The following UGT8 variants were observed in gnomAD, a reference collection of about 807,000 sequenced individuals.
The protein encoded by UGT8 is UDP glycosyltransferase 8.
A neutral mutation model predicts 40.5 loss-of-function variants in UGT8; 12 were observed. That is an observed-to-expected ratio of 0.30 (90% CI 0.19 to 0.48). The LOEUF (loss-of-function observed/expected upper bound fraction) is 0.48. Among genes scored for constraint, UGT8 ranks in the 20% least tolerant of loss-of-function variants. The probability of loss-of-function intolerance (pLI) is 0.99; values close to 1 mark genes in which losing one functional copy is unlikely to be tolerated. For missense variants in UGT8, 513 were observed against 648.7 expected, an observed-to-expected ratio of 0.79 and a Z score of 2.27; for synonymous variants, 224 against 240.4, an observed-to-expected ratio of 0.93 and a Z score of 0.63.
In UGT8 at chr4:114,623,499, G is replaced by A; in HGVS notation, c.619G>A (p.Val207Ile). The change falls in exon 2 of 6, where the codon GTC becomes ATC. Residue 207 changes from valine (V) to isoleucine (I), a missense_variant. By Grantham distance (29) the Val-to-Ile change is conservative. Around this residue, in one of 3 missense-constraint regions of UGT8, gnomAD observed 335 missense variants for 444.8 expected, o/e 0.75. Transcript: ENST00000310836. ...TGVYLISRLG[V>I]SFLVLPKYER... ...TGTTTACCTCATTTCCAGATTAGGGGTCAGCTTTCTGGTTCTTCCCAAATA... is the reference window on the plus strand; with the variant it reads ...TGTTTACCTCATTTCCAGATTAGGGATCAGCTTTCTGGTTCTTCCCAAATA... The A allele has an allele frequency of 6.2e-7, 1 of 1,614,108 alleles. No individual in the cohort carries two copies. Among genetic ancestry groups the A allele is most frequent in the East Asian group, 2.2e-5 (1 of 44,872 alleles).
chr4:114,611,431 T>TATATATATATATACATATATATATACAC (rs1731049816), intron 1 of UGT8, among the ~76,000 whole-genome samples: 1 of 52,176 alleles, frequency 1.9e-5, no homozygotes, highest in African/African-American at 5.1e-5. Context: ...TATATATATA[T>TATATATATATATACATATATATATACAC]ATATATATAT....
At chr4:114,639,114 G>T (rs1733059089) in intron 2 of UGT8, among the ~76,000 whole-genome samples, 1 of 152,116 alleles carries the variant, frequency 6.6e-6, no homozygotes, top group Admixed American at 6.5e-5. Flanking sequence ...GATCTTTCAG[G>T]CAATCTATAA....
At chr4:114,673,054 T>C (rs1735399789) in intron 5 of UGT8, among the ~76,000 whole-genome samples, 1 of 152,214 alleles carries the variant, frequency 6.6e-6, no homozygotes, top group South Asian at 2.1e-4. Context: ...AGAAGATATT[T>C]ATACTTTTGT....
chr4:114,624,288 A>G (rs770551026), intron 2 of UGT8, among the ~76,000 whole-genome samples: 12 of 152,254 alleles, frequency 7.9e-5, no homozygotes, highest in Non-Finnish European at 1.5e-4. Context: ...GATGGAATCA[A>G]TGGCACTTTA....
intron 2 of UGT8, among the ~76,000 whole-genome samples, chr4:114,659,232 CT>C (rs1421725432): frequency 6.6e-6 from 1 of 152,124 alleles, no homozygotes; most frequent in Non-Finnish European, 1.5e-5. Flanking sequence ...ATTATGCTAC[CT>C]TTTCCCATAA....
chr4:114,659,269 C>A (rs1734374412), intron 2 of UGT8, among the ~76,000 whole-genome samples: 2 of 152,208 alleles, frequency 1.3e-5, no homozygotes, highest in African/African-American at 4.8e-5. Context: ...TGACTTAATC[C>A]TACAAGAAGA....
At chr4:114,665,623 C>G in intron 3 of UGT8, 57 bp from the exon 4 acceptor site, 1 of 1,444,480 alleles carries the variant, frequency 6.9e-7, no homozygotes, top group South Asian at 1.3e-5. Context: ...ATCAGAGAGC[C>G]CATACTATGA....
At chr4:114,640,981 G>T (rs1325786108) in intron 2 of UGT8, among the ~76,000 whole-genome samples, 3 of 152,082 alleles carry the variant, frequency 2.0e-5, no homozygotes, top group Non-Finnish European at 4.4e-5. Flanking sequence ...GTGAATCTCT[G>T]ATCTTTGTGG....
intron 2 of UGT8, among the ~76,000 whole-genome samples, chr4:114,625,022 A>T (rs891502166): frequency 6.6e-6 from 1 of 152,134 alleles, no homozygotes; most frequent in African/African-American, 2.4e-5. Context: ...CAGATTTTAG[A>T]AGTAGCTTCT....
At chr4:114,622,440 C>G (rs1731870400) in intron 1 of UGT8, 1 of 156,686 alleles carries the variant, frequency 6.4e-6, no homozygotes. Flanking sequence ...TTTATAGCAG[C>G]ATGATTTATA....
intron 2 of UGT8, among the ~76,000 whole-genome samples, chr4:114,627,833 A>G (rs1343454354): frequency 6.6e-6 from 1 of 152,106 alleles, no homozygotes; most frequent in East Asian, 1.9e-4. Flanking sequence ...CACTTTAACT[A>G]CTGTTTGCTG....
rs144575937 is a variant in UGT8, at chr4:114,667,531, A to G, written c.1043-554A>G. 5.6e-3 allele frequency among the ~76,000 whole-genome samples: 859 copies of G among 152,348 alleles called. 6 individuals carry two copies. The highest frequency in any genetic ancestry group is 0.017 in the Middle Eastern group (5 of 294). On this transcript the variant is annotated intron_variant, in intron 4 of 5. Transcript: ENST00000310836. Reference sequence around the variant, plus strand: ...TGTTTACCTCTACATGTTTGAGCACATAAATGTAAAATTAAACCTTAAAAT... The same window carrying G: ...TGTTTACCTCTACATGTTTGAGCACGTAAATGTAAAATTAAACCTTAAAAT...
chr4:114,658,986 C>T (rs557986157), intron 2 of UGT8, among the ~76,000 whole-genome samples: 67 of 152,204 alleles, frequency 4.4e-4, no homozygotes, highest in Non-Finnish European at 7.4e-4. Context: ...GCTGCTTTAC[C>T]GGCTTAAGCT....
intron 2 of UGT8, among the ~76,000 whole-genome samples, chr4:114,651,620 T>C (rs1443215526): frequency 6.6e-6 from 1 of 152,126 alleles, no homozygotes; most frequent in East Asian, 1.9e-4. Context: ...CTGTTAAGCA[T>C]ATGCAGAGAA....
chr4:114,672,635 GA>G (rs1735369497), intron 5 of UGT8, among the ~76,000 whole-genome samples: 1 of 152,042 alleles, frequency 6.6e-6, no homozygotes, highest in Non-Finnish European at 1.5e-5. Context: ...TGGACACAGA[GA>G]GGGGGAAGAA....
At chr4:114,630,523 G>A (rs1255071916) in intron 2 of UGT8, among the ~76,000 whole-genome samples, 1 of 152,154 alleles carries the variant, frequency 6.6e-6, no homozygotes, top group Non-Finnish European at 1.5e-5. Flanking sequence ...ACATGCTGAG[G>A]AGAAGAATGG....
intron 2 of UGT8, among the ~76,000 whole-genome samples, chr4:114,662,766 G>A (rs1456104842): frequency 7.0e-6 from 1 of 143,724 alleles, no homozygotes; most frequent in Non-Finnish European, 1.5e-5. Context: ...TAGGCTTAAT[G>A]TTCCATTAAA....
intron 2 of UGT8, among the ~76,000 whole-genome samples, chr4:114,662,104 T>C (rs1041308354): frequency 6.6e-6 from 1 of 152,250 alleles, no homozygotes. Flanking sequence ...ATTTCTTTTA[T>C]ATACATATGT....
At chr4:114,646,198 G>GA (rs1733560310) in intron 2 of UGT8, among the ~76,000 whole-genome samples, 1 of 151,974 alleles carries the variant, frequency 6.6e-6, no homozygotes. Context: ...GCCTTTCAGG[G>GA]AAAAAATTCT....
Sources: gnomAD v4.1 joint callset for allele counts (sites outside exome capture counted in the v4.1 genomes callset) on GRCh38, gnomAD v4.1.1 for gene constraint, gnomAD v4.1.1 regional missense constraint, MANE v1.5 for transcripts, NCBI Gene and HGNC (gene_info 2026-07-23, HGNC 2026-07-21) for gene names.